The following HDHD5 variants were observed in gnomAD, a reference collection of about 807,000 sequenced individuals.
The protein encoded by HDHD5 is haloacid dehalogenase-like hydrolase domain-containing 5.
In HDHD5, 34 loss-of-function variants were observed where a neutral mutation model predicts 35.5. The observed-to-expected ratio is 0.96, with a 90% CI of 0.73 to 1.28. The LOEUF is 1.28. Among genes scored for constraint, HDHD5 ranks in the 50% most tolerant of loss-of-function variants. The pLI, the probability that HDHD5 is intolerant of heterozygous loss-of-function variation, is 0.00. For synonymous variants in HDHD5, 248 were observed against 240.6 expected (o/e 1.03, Z -0.29); for missense variants, 589 against 560.2 (o/e 1.05, Z -0.52).
exon 1 of HDHD5, chr22:17,165,285 C>G (rs1448231595): frequency 2.6e-6 from 2 of 764,894 alleles, no homozygotes; most frequent in Non-Finnish European, 4.9e-6. Flanking sequence ...GCTGGTCCAC[C>G]AGAAGTCTGT....
At chr22:17,158,940 G>T (rs1280453417) in intron 1 of HDHD5, 186 bp downstream of exon 1, 4 of 453,986 alleles carry the variant, frequency 8.8e-6, no homozygotes, top group Non-Finnish European at 1.0e-5. Flanking sequence ...GGCCGCCAGC[G>T]AGTCAGAGGA....
At chr22:17,163,837 A>G (rs2061876973), upstream of HDHD5, among the ~76,000 whole-genome samples, 1 of 152,172 alleles carries the variant, frequency 6.6e-6, no homozygotes, top group Non-Finnish European at 1.5e-5. Flanking sequence ...CTGGACTCTA[A>G]GCTGCTTGAG....
At chr22:17,149,436 T>C in intron 2 of HDHD5, 106 bp downstream of exon 2, 1 of 1,025,578 alleles carries the variant, frequency 9.8e-7, no homozygotes, top group South Asian at 1.5e-5. Context: ...GACCTAGGAC[T>C]AGGTGATTCC....
Position 17,159,273 on chromosome 22 carries a change from T to C in HDHD5, c.-22A>G. 9.5e-7 allele frequency: 1 copy of C among 1,054,652 alleles called. No individual in the cohort carries two copies. Among genetic ancestry groups the C allele is most frequent in the Non-Finnish European group, 1.2e-6 (1 of 848,566 alleles). 65.3% of individuals were successfully genotyped at this position (1,054,652 alleles called of 1,614,324 possible). ...CCATCCGGCCGTCGCCGTGCGCACG[T>C]GCACGGCGTGCGGCCCCCCCCCCCC... On this transcript the variant is annotated 5_prime_UTR_variant, in exon 1 of 8. Transcript: ENST00000336737.
chr22:17,148,606 G>T, intron 2 of HDHD5, 46 bp from the exon 3 acceptor site: 1 of 1,415,728 alleles, frequency 7.1e-7, no homozygotes, highest in Non-Finnish European at 1.0e-6. Context: ...AGACAGAACT[G>T]TTGAGGGAAA....
intron 1 of HDHD5, among the ~76,000 whole-genome samples, chr22:17,164,789 G>A (rs966700336): frequency 1.3e-5 from 2 of 152,188 alleles, no homozygotes; most frequent in Admixed American, 6.5e-5. Flanking sequence ...TTCCACATGA[G>A]AAGGAATAAA....
chr22:17,151,156 C>G (rs573341126), intron 1 of HDHD5, among the ~76,000 whole-genome samples: 1 of 152,310 alleles, frequency 6.6e-6, no homozygotes, highest in Admixed American at 6.5e-5. Flanking sequence ...ATTTTCACAA[C>G]TGTTAATTAT....
In HDHD5 at chr22:17,138,172, G is replaced by A. The variant is rs145080495; in HGVS notation, c.1121C>T (p.Thr374Met). ...CTCCCCTCCTCCAAGGACAGGCTCC[G>A]TGGACTGTGGGTTCCTGGGATTGTA... ...GVYNPRNPQS[T>M]EPVLGGGEPP... The change falls in exon 8 of 8, where the codon ACG (threonine) becomes ATG (methionine). Residue 374 changes from threonine (T) to methionine (M), a missense_variant. Coordinates refer to ENST00000336737, the MANE Select transcript of HDHD5 (RefSeq NM_033070.3). The A allele has an allele frequency of 2.6e-5, 42 of 1,614,178 alleles. No homozygotes were observed. Among genetic ancestry groups the A allele is most frequent in the Admixed American group, 1.7e-4 (10 of 60,026 alleles).
chr22:17,144,386 A>T (rs2061633748), intron 4 of HDHD5, among the ~76,000 whole-genome samples: 1 of 148,958 alleles, frequency 6.7e-6, no homozygotes, highest in African/African-American at 2.5e-5. Context: ...AGTAGCTGGG[A>T]CTATAGGCAT....
chr22:17,152,428 G>A (rs1342761407), intron 1 of HDHD5, among the ~76,000 whole-genome samples: 2 of 152,164 alleles, frequency 1.3e-5, no homozygotes, highest in African/African-American at 2.4e-5. Context: ...AGATACAGGG[G>A]TGGAGGGAAG....
chr22:17,163,438 C>T (rs995913936), upstream of HDHD5, among the ~76,000 whole-genome samples: 3 of 152,154 alleles, frequency 2.0e-5, no homozygotes, highest in Non-Finnish European at 4.4e-5. Flanking sequence ...ATGCTGCTGA[C>T]CCACTTTAGG....
chr22:17,149,817 A>G, intron 1 of HDHD5, 72 bp from the exon 2 acceptor site: 1 of 1,371,186 alleles, frequency 7.3e-7, no homozygotes, highest in African/African-American at 1.4e-5. Flanking sequence ...GAGGCTCAAC[A>G]CCATCCTCGG....
intron 1 of HDHD5, among the ~76,000 whole-genome samples, chr22:17,165,051 T>C (rs2061883584): frequency 2.0e-5 from 3 of 152,210 alleles, no homozygotes; most frequent in Admixed American, 2.0e-4. Flanking sequence ...ATCACACACA[T>C]ACACACTCAG....
At chr22:17,156,473 G>A (rs532363759) in intron 1 of HDHD5, among the ~76,000 whole-genome samples, 23 of 152,116 alleles carry the variant, frequency 1.5e-4, no homozygotes, top group African/African-American at 5.3e-4. Flanking sequence ...TTAGCCGGGC[G>A]TGGTGGTGCA....
In HDHD5 at chr22:17,144,078, C is replaced by T. The variant is rs563638664; in HGVS notation, c.537+946G>A. Among the ~76,000 whole-genome samples the T allele has an allele frequency of 1.1e-4, 17 of 152,312 alleles. No homozygotes were observed. In the South Asian group the frequency reaches 1.9e-3, roughly 17 times the overall value. ...ACCTCTCCCGAGGGCAGCTCAGTGC[C>T]GGGCCTCAGGATTGCTAACTTCACA... On this transcript the variant is annotated intron_variant, in intron 4 of 7. Transcript: ENST00000336737.
chr22:17,155,287 C>G (rs1210218642), intron 1 of HDHD5, among the ~76,000 whole-genome samples: 1 of 150,972 alleles, frequency 6.6e-6, no homozygotes, highest in Non-Finnish European at 1.5e-5. Flanking sequence ...TCACTGTCAC[C>G]CAGGCTGGAG....
chr22:17,165,096 C>A, intron 1 of HDHD5: 1 of 702,296 alleles, frequency 1.4e-6, no homozygotes. Context: ...AGGTGGAGTT[C>A]TCTGTAGGGA....
chr22:17,164,036 C>G (rs2061877946), upstream of HDHD5, among the ~76,000 whole-genome samples: 2 of 152,158 alleles, frequency 1.3e-5, no homozygotes, highest in Admixed American at 1.3e-4. Flanking sequence ...GCCTGGCCAA[C>G]AAGGTGAAAC....
At chr22:17,159,808 G>A (rs1311187927), upstream of HDHD5, 6 of 281,690 alleles carry the variant, frequency 2.1e-5, no homozygotes, top group Non-Finnish European at 4.1e-5. Context: ...CGCGCACTGC[G>A]GAGAGGTAGA....
Sources: allele counts gnomAD v4.1 joint callset (sites outside exome capture counted in the v4.1 genomes callset), GRCh38; gene constraint gnomAD v4.1.1; transcripts MANE v1.5; gene names NCBI Gene and HGNC (gene_info 2026-07-23, HGNC 2026-07-21).